The following KLF15 variants were observed in gnomAD, a reference collection of about 807,000 sequenced individuals.
KLF15 encodes KLF transcription factor 15.
Under a neutral mutation model 24.6 loss-of-function variants are expected in KLF15, and 4 were observed. That is an observed-to-expected ratio of 0.16 (90% CI 0.08 to 0.37). The LOEUF (loss-of-function observed/expected upper bound fraction) is 0.37, where lower values mean the gene tolerates loss of function less well. Among genes scored for constraint, KLF15 ranks in the 10% least tolerant of loss-of-function variants. The pLI is 1.00. For synonymous variants in KLF15, 246 were observed against 236.3 expected, an observed-to-expected ratio of 1.04 and a Z score of -0.37; for missense variants, 496 against 560.6, an observed-to-expected ratio of 0.88 and a Z score of 1.16.
chr3:126,329,167 G>C, the KLF15 span, among the ~76,000 whole-genome samples: 2 of 152,226 alleles, frequency 1.3e-5, no homozygotes, highest in Non-Finnish European at 2.9e-5. Flanking sequence ...TCTGTGTATG[G>C]TGTGAGAAGA....
chr3:126,333,616 C>T, the KLF15 span, among the ~76,000 whole-genome samples: 8 of 148,972 alleles, frequency 5.4e-5, no homozygotes, highest in South Asian at 1.8e-3. Flanking sequence ...AATTAAAAGA[C>T]ACAGACTGGC....
At chr3:126,349,736 G>A (rs78878139) in intron 2 of KLF15, among the ~76,000 whole-genome samples, 5,043 of 152,242 alleles carry the variant, frequency 0.033, 138 homozygotes, top group Non-Finnish European at 0.052. Flanking sequence ...GCCAGGAGAC[G>A]GCGCTGAAAC....
downstream of KLF15, among the ~76,000 whole-genome samples, chr3:126,338,387 G>A (rs117277388): frequency 1.3e-4 from 20 of 152,338 alleles, no homozygotes; most frequent in East Asian, 3.9e-3. Context: ...ACAGACAGGT[G>A]TCCTTCTTTC....
chr3:126,291,262 C>T, the KLF15 span: 1 of 152,154 alleles, frequency 6.6e-6, no homozygotes, highest in African/African-American at 2.4e-5. Flanking sequence ...TTAATGAGGG[C>T]AAAAATAGAA....
At chr3:126,330,404 T>C in the KLF15 span, among the ~76,000 whole-genome samples, 7 of 152,244 alleles carry the variant, frequency 4.6e-5, no homozygotes, top group Non-Finnish European at 8.8e-5. Context: ...TTATCTTGTG[T>C]CTGGCCATTG....
the KLF15 span, among the ~76,000 whole-genome samples, chr3:126,317,708 G>A: frequency 6.6e-6 from 1 of 152,144 alleles, no homozygotes; most frequent in Non-Finnish European, 1.5e-5. Flanking sequence ...TAAATTTCAA[G>A]TCAATGGTCA....
At chr3:126,290,506 A>ACCTTCCTTCCTTCCTTCCTTCCTTCCTT in the KLF15 span, among the ~76,000 whole-genome samples, 1 of 144,604 alleles carries the variant, frequency 6.9e-6, no homozygotes, top group African/African-American at 2.6e-5. Context: ...CTTCCTTCCT[A>ACCTTCCTTCCTTCCTTCCTTCCTTCCTT]CCTTCCTTCC....
intron 2 of KLF15, among the ~76,000 whole-genome samples, chr3:126,348,648 T>C (rs2082557221): frequency 1.3e-5 from 2 of 152,206 alleles, no homozygotes; most frequent in Non-Finnish European, 2.9e-5. Flanking sequence ...GCGAAAACCT[T>C]AAGCTGTCAC....
intron 1 of KLF15, 97 bp from the exon 2 acceptor site, chr3:126,353,044 C>A: frequency 7.3e-7 from 1 of 1,362,094 alleles, no homozygotes; most frequent in East Asian, 2.5e-5. Flanking sequence ...TGCCCACAGC[C>A]TCCTATTGCC....
At chr3:126,323,905 C>T in the KLF15 span, among the ~76,000 whole-genome samples, 2 of 151,552 alleles carry the variant, frequency 1.3e-5, no homozygotes, top group Admixed American at 6.6e-5. Context: ...GATCTCATTC[C>T]TTTTTATGGC....
the KLF15 span, among the ~76,000 whole-genome samples, chr3:126,319,998 G>A: frequency 4.6e-5 from 7 of 152,322 alleles, no homozygotes; most frequent in East Asian, 3.9e-4. Context: ...TGGAGGTGGC[G>A]GGTGGGGAAG....
the KLF15 span, among the ~76,000 whole-genome samples, chr3:126,306,703 G>A: frequency 1.3e-5 from 2 of 152,360 alleles, no homozygotes; most frequent in African/African-American, 4.8e-5. Flanking sequence ...ATGAAGCCCT[G>A]TGTGCTGAAG....
the KLF15 span, among the ~76,000 whole-genome samples, chr3:126,312,697 A>G: frequency 5.9e-5 from 9 of 152,200 alleles, no homozygotes; most frequent in Non-Finnish European, 1.2e-4. Context: ...TGAGTTTTCC[A>G]GGGCTGCTGT....
At chr3:126,320,380 G>A in the KLF15 span, among the ~76,000 whole-genome samples, 3 of 152,222 alleles carry the variant, frequency 2.0e-5, no homozygotes, top group Non-Finnish European at 4.4e-5. Context: ...TGACAGCAAG[G>A]CTGTCATATG....
At chr3:126,319,809 G>C in the KLF15 span, among the ~76,000 whole-genome samples, 1 of 152,170 alleles carries the variant, frequency 6.6e-6, no homozygotes, top group Non-Finnish European at 1.5e-5. Context: ...TGGCCTGCCA[G>C]AGGCATGATC....
At chr3:126,320,573 T>C in the KLF15 span, among the ~76,000 whole-genome samples, 12 of 152,200 alleles carry the variant, frequency 7.9e-5, no homozygotes, top group Non-Finnish European at 1.3e-4. Flanking sequence ...TGTACACAAG[T>C]ATTGCACATA....
chr3:126,355,884 A>G (rs1045275961), intron 1 of KLF15, among the ~76,000 whole-genome samples: 3 of 152,188 alleles, frequency 2.0e-5, no homozygotes, highest in Admixed American at 6.5e-5. Context: ...GGGCACCGGC[A>G]TTAAAGAGAG....
At chr3:126,331,468 C>T in the KLF15 span, among the ~76,000 whole-genome samples, 1 of 152,108 alleles carries the variant, frequency 6.6e-6, no homozygotes, top group Admixed American at 6.5e-5. Flanking sequence ...GTGAATGAAC[C>T]CTGAGAAGAT....
chr3:126,349,748 T>G (rs760521457), intron 2 of KLF15, among the ~76,000 whole-genome samples: 8 of 152,184 alleles, frequency 5.3e-5, no homozygotes, highest in Non-Finnish European at 1.0e-4. Context: ...CGCTGAAACC[T>G]GAGCCCGACT....
Sources: allele counts gnomAD v4.1 joint callset (sites outside exome capture counted in the v4.1 genomes callset), GRCh38; gene constraint gnomAD v4.1.1; transcripts MANE v1.5; gene names NCBI Gene and HGNC (gene_info 2026-07-23, HGNC 2026-07-21).